The following SYCP3 variants were observed in gnomAD, a reference collection of about 807,000 sequenced individuals.
SYCP3 encodes the protein synaptonemal complex protein 3.
SYCP3 carries 29 observed loss-of-function variants against 38.5 expected under a neutral mutation model. The observed-to-expected ratio is 0.75, with a 90% CI of 0.56 to 1.03. The LOEUF (loss-of-function observed/expected upper bound fraction) is 1.03, where lower values mean the gene tolerates loss of function less well. Ranked by LOEUF, SYCP3 falls within the 50% of genes least tolerant of loss-of-function variation. The pLI is 0.00. For missense variants in SYCP3, 242 were observed against 270.7 expected (o/e 0.89, Z 0.74); for synonymous variants, 79 against 80.3 (o/e 0.98, Z 0.08).
At chr12:101,737,720 C>CA in intron 2 of SYCP3, 83 bp downstream of exon 2, 2 of 1,597,724 alleles carry the variant, frequency 1.3e-6, no homozygotes, top group Non-Finnish European at 1.7e-6. Context: ...AAATGCTTTA[C>CA]AAACTAAGTT....
Position 101,728,728 on chromosome 12 carries a change from A to G in SYCP3, c.*199T>C. On this transcript the variant is annotated 3_prime_UTR_variant, in exon 9 of 9. Transcript: ENST00000392924. ...ATTACTAAAGAGCTGAAAGCTTAAT[A>G]CATATTCTTTAGGAATAGTTGCTAA... 1 of 673,884 alleles carries G rather than the reference A, an allele frequency of 1.5e-6. No individual in the cohort carries two copies. The highest frequency in any genetic ancestry group is 2.8e-5 in the East Asian group (1 of 35,352). The allele number at this position is 673,884 out of a possible 1,614,324, so 41.7% of individuals were successfully genotyped here.
intron 7 of SYCP3, 86 bp downstream of exon 7, chr12:101,731,482 C>T (rs1952187256): frequency 1.1e-6 from 1 of 891,584 alleles, no homozygotes; most frequent in African/African-American, 1.7e-5. Flanking sequence ...AATGTTTTTT[C>T]CCATAAACTT....
intron 7 of SYCP3, among the ~76,000 whole-genome samples, chr12:101,731,274 TA>T (rs1952178941): frequency 6.6e-6 from 1 of 152,204 alleles, no homozygotes; most frequent in African/African-American, 2.4e-5. Context: ...TATTTTCACT[TA>T]AACAGAGAAC....
In SYCP3 at chr12:101,739,456, C is replaced by A. The variant is rs879147641; in HGVS notation, c.-123G>T. 1 of 1,002,618 alleles carries A rather than the reference C, an allele frequency of 1.0e-6. No homozygotes were observed. The highest frequency in any genetic ancestry group is 4.7e-5 in the South Asian group (1 of 21,394). The allele number at this position is 1,002,618 out of a possible 1,614,324, so 62.1% of individuals were successfully genotyped here. A position where few individuals can be genotyped will look rare whatever the true frequency, so the allele number is the denominator to read the frequency against. On this transcript the variant is annotated 5_prime_UTR_variant, in exon 1 of 9. Transcript: ENST00000392924. ...ACCTGAGGTGGCCCCTTCTCCGCGACGCTTCTGAGGCAAGCTGGGATTCGC... is the reference window on the plus strand; with the variant it reads ...ACCTGAGGTGGCCCCTTCTCCGCGAAGCTTCTGAGGCAAGCTGGGATTCGC...
rs371305437 is a variant in SYCP3, at chr12:101,737,176, G to A, written c.200+56C>T. On this transcript the variant is annotated intron_variant, in intron 3 of 8. Coordinates refer to ENST00000392924, the MANE Select transcript of SYCP3 (RefSeq NM_001177949.2). The stretch of plus-strand genomic sequence containing the variant: ...AGTATTTTACATATATTATTTGTTA[G>A]CAACTTTTCTTGAAGTGCTTTATCT... 5 of 1,603,442 alleles carry A rather than the reference G, an allele frequency of 3.1e-6. No individual in the cohort carries two copies. In the African/African-American group the frequency reaches 5.4e-5, roughly 17 times the overall value.
rs1484561101 is a variant in SYCP3 at position 101,728,819 on chromosome 12, AT to A, written c.*107del. The A allele has an allele frequency of 1.4e-5, 22 of 1,519,596 alleles. No homozygotes were observed. The highest frequency in any genetic ancestry group is 1.8e-5 in the Non-Finnish European group (20 of 1,105,914). The allele number at this position is 1,519,596 out of a possible 1,614,324, so 94.1% of individuals were successfully genotyped here. A position where few individuals can be genotyped will look rare whatever the true frequency, so the allele number is the denominator to read the frequency against. ...GGTCTTACAATGAAACAGGTTTATG[AT>A]TAAAGATGTTACAATTAAACTATTC... On this transcript the variant is annotated 3_prime_UTR_variant, in exon 9 of 9. Transcript: ENST00000392924.
Position 101,729,135 on chromosome 12 carries a change from A to G in SYCP3, c.631T>C (p.Leu211=). The G allele has an allele frequency of 6.2e-7, 1 of 1,612,396 alleles. No individual in the cohort carries two copies. Among genetic ancestry groups the G allele is most frequent in the Non-Finnish European group, 8.5e-7 (1 of 1,179,024 alleles). The change falls in exon 8 of 9, where the codon TTG becomes CTG. Residue 211 remains leucine (L), a synonymous_variant. Transcript: ENST00000392924. ...GTTTCCATCATAATTTTTTTTTGCAACATAGCCATTTCTTTTTTAAATTCA... is the reference window on the plus strand; with the variant it reads ...GTTTCCATCATAATTTTTTTTTGCAGCATAGCCATTTCTTTTTTAAATTCA... ...QNEFKKEMAM[L]QKKIMMETQQ...
At chr12:101,733,500 T>C in intron 6 of SYCP3, 75 bp downstream of exon 6, 1 of 1,337,698 alleles carries the variant, frequency 7.5e-7, no homozygotes. Context: ...TCAGTTCCAC[T>C]GGTCACAATA....
At chr12:101,730,596 T>G in intron 7 of SYCP3, 1 of 346,930 alleles carries the variant, frequency 2.9e-6, no homozygotes. Context: ...AGGGCTCAAG[T>G]GATCCTCCCA....
chr12:101,735,710 A>C (rs182331491), intron 4 of SYCP3, among the ~76,000 whole-genome samples: 1 of 151,574 alleles, frequency 6.6e-6, no homozygotes, highest in East Asian at 1.9e-4. Flanking sequence ...AATTTATAAA[A>C]TACACCCCAA....
chr12:101,737,970 C>A lies in SYCP3; in HGVS notation c.-17-18G>T, dbSNP rs2137078133. ...CTTCCTGACTTTAAAAAACAAATTT[C>A]TTTAACCTTCTGAATGCAAAGACAT... On this transcript the variant is annotated intron_variant, in intron 1 of 8. Transcript: ENST00000392924. The A allele has an allele frequency of 2.5e-6, 4 of 1,612,402 alleles. No individual in the cohort carries two copies. The East Asian group carries it at 6.7e-5, about 27-fold the overall frequency.
rs761136347 is a variant in SYCP3, at chr12:101,729,122, AT to A, written c.643del (p.Ile215LeufsTer2). 7.0e-5 allele frequency: 111 copies of A among 1,594,494 alleles called. No homozygotes were observed. Among genetic ancestry groups the A allele is most frequent in the South Asian group, 1.9e-4 (17 of 89,778 alleles). On this transcript the variant is annotated frameshift_variant, in exon 8 of 9. Coordinates refer to ENST00000392924, the MANE Select transcript of SYCP3 (RefSeq NM_001177949.2). LOFTEE classifies it high-confidence loss of function. ...KKEMAMLQKK[I>X]MMETQQQEIA... ...ATGATCACTTACAGTTTCCATCATA[AT>A]TTTTTTTTGCAACATAGCCATTTCT...
chr12:101,739,111 C>T (rs1329739500), intron 1 of SYCP3, among the ~76,000 whole-genome samples: 2 of 152,190 alleles, frequency 1.3e-5, no homozygotes, highest in African/African-American at 2.4e-5. Flanking sequence ...GGGCCCTGCC[C>T]GGCCCCGCCG....
chr12:101,737,386 G>T, intron 2 of SYCP3, 88 bp from the exon 3 acceptor site: 1 of 1,256,932 alleles, frequency 8.0e-7, no homozygotes, highest in East Asian at 2.3e-5. Context: ...CTTCATTTGG[G>T]GATTTTTAGG....
chr12:101,729,406 A>C (rs1176824210), intron 7 of SYCP3, 193 bp from the exon 8 acceptor site: 1 of 585,852 alleles, frequency 1.7e-6, no homozygotes, highest in African/African-American at 1.9e-5. Context: ...ACATGAATAA[A>C]ATGTTATAGG....
intron 4 of SYCP3, among the ~76,000 whole-genome samples, chr12:101,735,871 A>ATATATATATATATATATATATATATTTT: frequency 2.1e-4 from 16 of 74,740 alleles, no homozygotes; most frequent in Non-Finnish European, 2.8e-4. Context: ...ATATATATAT[A>ATATATATATATATATATATATATATTTT]TTTTTTTTTT....
At chr12:101,729,267 T>G in intron 7 of SYCP3, 54 bp from the exon 8 acceptor site, 1 of 1,520,442 alleles carries the variant, frequency 6.6e-7, no homozygotes, top group Non-Finnish European at 9.0e-7. Flanking sequence ...CATCTCAGGT[T>G]CTAAACTTGT....
chr12:101,730,453 A>G (rs1952136170), intron 7 of SYCP3: 2 of 419,474 alleles, frequency 4.8e-6, no homozygotes, highest in Non-Finnish European at 9.2e-6. Context: ...CAAGTTTTCC[A>G]CTTGGAAATA....
chr12:101,729,362 A>G, intron 7 of SYCP3, 149 bp from the exon 8 acceptor site: 1 of 759,536 alleles, frequency 1.3e-6, no homozygotes. Context: ...ATACATGAAT[A>G]CCAAAATACC....
Sources: allele counts gnomAD v4.1 joint callset (sites outside exome capture counted in the v4.1 genomes callset), GRCh38; gene constraint gnomAD v4.1.1; transcripts MANE v1.5; gene names NCBI Gene and HGNC (gene_info 2026-07-23, HGNC 2026-07-21).